PIAS2: variants seen among roughly 807,000 people sequenced by gnomAD.
PIAS2 encodes the protein E3 SUMO-protein ligase PIAS2.
PIAS2 carries 19 observed loss-of-function variants against 69.7 expected under a neutral mutation model. The ratio of observed to expected loss-of-function variants is 0.27; its 90% CI spans 0.19 to 0.40. PIAS2 has a LOEUF of 0.40. Ranked by LOEUF, PIAS2 falls within the 10% of genes least tolerant of loss-of-function variation. PIAS2 has a pLI of 1.00. For synonymous variants in PIAS2, 261 were observed against 263.2 expected (o/e 0.99, Z 0.08); for missense variants, 624 against 757.0 (o/e 0.82, Z 2.06).
intron 2 of PIAS2, among the ~76,000 whole-genome samples, chr18:46,869,260 G>T (rs929216892): frequency 2.0e-5 from 3 of 152,206 alleles, no homozygotes; most frequent in Non-Finnish European, 4.4e-5. Context: ...TCCAGTAGAG[G>T]GGGGTTAAGC....
chr18:46,844,806 G>A lies in PIAS2; in HGVS notation c.895C>T (p.Leu299Phe). The part of the protein sequence containing the change: ...YSMSVYLVRQ[L>F]TSAMLLQRLK... Reference sequence around the variant, plus strand: ...CTCTGTAATAACATGGCTGATGTAAGCTGCCGTACAAGATATACAGACATA... The same window carrying A: ...CTCTGTAATAACATGGCTGATGTAAACTGCCGTACAAGATATACAGACATA... Residue 299 changes from leucine to phenylalanine, a missense_variant, in exon 7 of 14, where the codon CTT becomes TTT. Leu to Phe is a conservative substitution (Grantham distance 22, BLOSUM62 0). This residue lies in a region of PIAS2 where 339 missense variants were observed against 408.8 expected (regional missense o/e 0.83). Coordinates refer to ENST00000585916, the MANE Select transcript of PIAS2 (RefSeq NM_004671.5). The A allele has an allele frequency of 2.0e-6, 3 of 1,478,870 alleles. No homozygotes were observed. Among genetic ancestry groups the A allele is most frequent in the African/African-American group, 1.5e-5 (1 of 68,128 alleles). The allele number at this position is 1,478,870 out of a possible 1,614,324, so 91.6% of individuals were successfully genotyped here. A position where few individuals can be genotyped will look rare whatever the true frequency, so the allele number is the denominator to read the frequency against.
At chr18:46,844,924 G>GA in intron 6 of PIAS2, 85 bp from the exon 7 acceptor site, 1 of 523,256 alleles carries the variant, frequency 1.9e-6, no homozygotes, top group Non-Finnish European at 3.2e-6. Flanking sequence ...AAGAAACTCT[G>GA]GTTTCTAAAA....
Position 46,812,605 on chromosome 18 carries a change from G to A in PIAS2, c.1694C>T (p.Pro565Leu). The change falls in exon 14 of 14, where the codon CCT becomes CTT. Residue 565 changes from proline to leucine, a missense_variant. Around this residue, in one of 3 missense-constraint regions of PIAS2, gnomAD observed 241 missense variants for 257.3 expected, o/e 0.94. Coordinates refer to ENST00000585916, the MANE Select transcript of PIAS2 (RefSeq NM_004671.5). The stretch of plus-strand genomic sequence containing the variant: ...GGTGAGACTATCCAAAAACATAGGA[G>A]GACAGTACTGCTTGAAACAAACAAT... ...SLIPVDPQYC[P>L]PMFLDSLTSP... is the part of the protein sequence containing the mutation. 4 of 1,607,372 alleles carry A rather than the reference G, an allele frequency of 2.5e-6. No individual in the cohort carries two copies. The highest frequency in any genetic ancestry group is 3.4e-6 in the Non-Finnish European group (4 of 1,174,858).
In PIAS2 at chr18:46,812,567, C is replaced by T. The variant is rs375975552; in HGVS notation, c.1732G>A (p.Ala578Thr). 1 of 1,613,302 alleles carries T rather than the reference C, an allele frequency of 6.2e-7. No individual in the cohort carries two copies. Among genetic ancestry groups the T allele is most frequent in the Non-Finnish European group, 8.5e-7 (1 of 1,179,344 alleles). Residue 578 changes from alanine to threonine, a missense_variant, in exon 14 of 14, where the codon GCA (alanine) becomes ACA (threonine). By Grantham distance (58) the Ala-to-Thr change is moderately conservative. Coordinates refer to ENST00000585916, the MANE Select transcript of PIAS2 (RefSeq NM_004671.5). ...GTGGTGGTGACAGACGTACTGCTTG[C>T]TGTTAAGGGTGAGGTGAGACTATCC... is the stretch of plus-strand genomic sequence containing the variant. ...FLDSLTSPLTASSTSVTTTSS... is the reference protein window; with the variant it reads ...FLDSLTSPLTTSSTSVTTTSS...
At chr18:46,898,523 C>T (rs1476822117) in intron 1 of PIAS2, among the ~76,000 whole-genome samples, 1 of 151,968 alleles carries the variant, frequency 6.6e-6, no homozygotes, top group African/African-American at 2.4e-5. Context: ...TAAGACAATC[C>T]ACTGAAAAAT....
At chr18:46,901,259 A>G (rs11872476) in intron 1 of PIAS2, 17,089 of 414,502 alleles carry the variant, frequency 0.041, 511 homozygotes, top group Non-Finnish European at 0.062. Context: ...TCTAAGAAAA[A>G]TACAAAATTA....
intron 3 of PIAS2, among the ~76,000 whole-genome samples, chr18:46,860,638 C>T (rs2048511427): frequency 6.6e-6 from 1 of 152,098 alleles, no homozygotes; most frequent in Non-Finnish European, 1.5e-5. Flanking sequence ...GAATATAACT[C>T]ATAGAGCACC....
intron 1 of PIAS2, 83 bp from the exon 2 acceptor site, chr18:46,891,137 T>C (rs1252916374): frequency 1.1e-5 from 11 of 1,009,412 alleles, no homozygotes; most frequent in South Asian, 3.0e-5. Context: ...TAAAATGTGA[T>C]TTTTCCAGCA....
chr18:46,867,811 T>TA (rs1225613466), intron 2 of PIAS2, among the ~76,000 whole-genome samples: 1 of 152,226 alleles, frequency 6.6e-6, no homozygotes, highest in Admixed American at 6.5e-5. Flanking sequence ...TGGCCTTTTG[T>TA]AATAGCATCA....
At chr18:46,822,384 A>G (rs562931038) in intron 11 of PIAS2, among the ~76,000 whole-genome samples, 1 of 152,310 alleles carries the variant, frequency 6.6e-6, no homozygotes, top group Admixed American at 6.5e-5. Context: ...GCTTGAGGCA[A>G]TAACATAAGC....
chr18:46,913,672 T>G (rs997901642), intron 1 of PIAS2, among the ~76,000 whole-genome samples: 1 of 152,032 alleles, frequency 6.6e-6, no homozygotes, highest in African/African-American at 2.4e-5. Flanking sequence ...TTTTTGTGAA[T>G]GACTGCCACC....
chr18:46,817,370 A>G, intron 12 of PIAS2: 2 of 967,144 alleles, frequency 2.1e-6, no homozygotes, highest in Non-Finnish European at 2.5e-6. Flanking sequence ...GCTTGATATA[A>G]AACAGTTTGA....
intron 3 of PIAS2, among the ~76,000 whole-genome samples, chr18:46,856,061 A>G (rs1200578242): frequency 4.1e-5 from 5 of 121,190 alleles, no homozygotes; most frequent in Non-Finnish European, 1.6e-5. Flanking sequence ...GCTGGAGTGC[A>G]GTGGCGCGAT....
At chr18:46,850,459 GA>G (rs2046797012) in intron 5 of PIAS2, among the ~76,000 whole-genome samples, 1 of 152,106 alleles carries the variant, frequency 6.6e-6, no homozygotes, top group African/African-American at 2.4e-5. Flanking sequence ...TCGCATTCTA[GA>G]TTAGGTATAT....
intron 8 of PIAS2, chr18:46,843,815 T>C (rs550180561): frequency 2.6e-5 from 8 of 306,952 alleles, no homozygotes; most frequent in Admixed American, 5.0e-5. Context: ...GTATATTATC[T>C]ACAACATTAA....
At chr18:46,880,199 C>A (rs2051982335) in intron 2 of PIAS2, among the ~76,000 whole-genome samples, 1 of 151,734 alleles carries the variant, frequency 6.6e-6, no homozygotes, top group Non-Finnish European at 1.5e-5. Flanking sequence ...AGTTCCTGAC[C>A]AGCCTAGGGA....
At chr18:46,861,064 G>T (rs998194681) in intron 3 of PIAS2, among the ~76,000 whole-genome samples, 2 of 152,132 alleles carry the variant, frequency 1.3e-5, no homozygotes, top group Admixed American at 6.5e-5. Flanking sequence ...CGGATCACCT[G>T]AGGTCAAGAG....
upstream of PIAS2, chr18:46,920,073 G>A (rs780028343): frequency 1.6e-6 from 2 of 1,289,722 alleles, no homozygotes; most frequent in South Asian, 2.5e-5. Context: ...AGTGTTCTTT[G>A]TAGTTGCTTC....
At chr18:46,837,067 TACAA>T (rs915188102) in intron 8 of PIAS2, among the ~76,000 whole-genome samples, 4 of 152,192 alleles carry the variant, frequency 2.6e-5, no homozygotes, top group Admixed American at 6.5e-5. Context: ...CTTTTATCAC[TACAA>T]ACAATGCTGT....
Sources: gnomAD v4.1 joint callset for allele counts (sites outside exome capture counted in the v4.1 genomes callset) on GRCh38, gnomAD v4.1.1 for gene constraint, gnomAD v4.1.1 regional missense constraint, MANE v1.5 for transcripts, NCBI Gene and HGNC (gene_info 2026-07-23, HGNC 2026-07-21) for gene names.